The following PDE4D variants were observed in gnomAD, a reference collection of about 807,000 sequenced individuals.
PDE4D encodes the protein phosphodiesterase 4D.
Under a neutral mutation model 87.4 loss-of-function variants are expected in PDE4D, and 24 were observed. That is an observed-to-expected ratio of 0.27 (90% confidence interval 0.20 to 0.39). The LOEUF is 0.39. Ranked by LOEUF, PDE4D falls within the 10% of genes least tolerant of loss-of-function variation. The pLI is 1.00. For missense variants in PDE4D, 714 were observed against 1,041.0 expected (o/e 0.69, Z 4.32); for synonymous variants, 384 against 383.2 (o/e 1.00, Z -0.02).
At chr5:59,566,688 G>A (rs894632425) in intron 1 of PDE4D, among the ~76,000 whole-genome samples, 2 of 151,966 alleles carry the variant, frequency 1.3e-5, no homozygotes, top group African/African-American at 2.4e-5. Context: ...TGGCATCTAC[G>A]AATGAGTGAT....
intron 2 of PDE4D, among the ~76,000 whole-genome samples, chr5:60,058,805 G>A (rs1041224552): frequency 6.6e-6 from 1 of 151,826 alleles, no homozygotes; most frequent in Non-Finnish European, 1.5e-5. Context: ...TCACTCATAC[G>A]AGAGATACCG....
At chr5:59,928,368 A>C (rs1181730825) in intron 3 of PDE4D, among the ~76,000 whole-genome samples, 4 of 151,464 alleles carry the variant, frequency 2.6e-5, no homozygotes, top group African/African-American at 4.9e-5. Flanking sequence ...ACCTGAGGTC[A>C]GGAGTTTGAG....
chr5:59,119,069 A>G (rs1382591166), intron 5 of PDE4D, among the ~76,000 whole-genome samples: 1 of 152,198 alleles, frequency 6.6e-6, no homozygotes, highest in African/African-American at 2.4e-5. Flanking sequence ...AATTAAAAAA[A>G]GCTTCTGAGA....
At chr5:60,356,845 C>T (rs1177224402) in intron 1 of PDE4D, among the ~76,000 whole-genome samples, 1 of 152,134 alleles carries the variant, frequency 6.6e-6, no homozygotes, top group Non-Finnish European at 1.5e-5. Context: ...GCACCAGAAG[C>T]AAGGAAACTG....
chr5:60,004,769 C>T lies in PDE4D; in HGVS notation c.43-16052G>A, dbSNP rs571918598. Among the ~76,000 whole-genome samples the T allele has an allele frequency of 9.2e-5, 14 of 152,152 alleles. No homozygotes were observed. The East Asian group carries it at 9.6e-4, about 10-fold the overall frequency. ...GGAAATGTACATCAAAACCACAATG[C>T]GGTATCTTCTCACACCCATTAGGAT... On this transcript the variant is annotated intron_variant, in intron 2 of 16. Transcript: ENST00000502484.
chr5:59,464,720 C>T (rs1370472000), intron 1 of PDE4D, among the ~76,000 whole-genome samples: 1 of 152,152 alleles, frequency 6.6e-6, no homozygotes. Context: ...TAATGAGAAA[C>T]ACCCACAGGT....
At chr5:60,198,365 A>AAACTAATC (rs1741524181) in intron 1 of PDE4D, among the ~76,000 whole-genome samples, 3 of 151,578 alleles carry the variant, frequency 2.0e-5, no homozygotes, top group Non-Finnish European at 4.4e-5. Context: ...CGGAGAGATG[A>AAACTAATC]AGAGACAAAA....
At chr5:59,363,006 C>T (rs1200350805) in intron 1 of PDE4D, among the ~76,000 whole-genome samples, 2 of 152,208 alleles carry the variant, frequency 1.3e-5, no homozygotes, top group African/African-American at 4.8e-5. Context: ...CCCTTCCTTA[C>T]TTGGACACTT....
At position 59,257,764 on chromosome 5, in the gene PDE4D, G is replaced by A. The variant is rs150777094; in HGVS notation, c.456-41796C>T. On this transcript the variant is annotated intron_variant, in intron 1 of 14. Transcript: ENST00000340635. ...AGTTTAGCAAGTCAAACTCTTGGGA[G>A]GGTCTTAAACTTTGTGTAAAGAGAA... 7.0e-4 allele frequency among the ~76,000 whole-genome samples: 106 copies of A among 152,112 alleles called. 1 individual carries two copies. The highest frequency in any genetic ancestry group is 2.5e-3 in the African/African-American group (102 of 41,538).
At chr5:59,446,096 A>G (rs910980204) in intron 1 of PDE4D, among the ~76,000 whole-genome samples, 2 of 152,210 alleles carry the variant, frequency 1.3e-5, no homozygotes, top group Non-Finnish European at 2.9e-5. Context: ...TTAATTAAAA[A>G]TAGCTGCAAA....
At chr5:60,276,791 A>G (rs1751405174) in intron 1 of PDE4D, among the ~76,000 whole-genome samples, 1 of 151,874 alleles carries the variant, frequency 6.6e-6, no homozygotes, top group South Asian at 2.1e-4. Flanking sequence ...ACCATTTTAT[A>G]ATGTACCTCT....
chr5:60,269,839 T>C (rs558843746), intron 1 of PDE4D, among the ~76,000 whole-genome samples: 2 of 152,322 alleles, frequency 1.3e-5, no homozygotes, highest in South Asian at 2.1e-4. Flanking sequence ...TTATTTGTCA[T>C]TTACATCTTA....
At chr5:60,042,157 G>T (rs543035999) in intron 2 of PDE4D, among the ~76,000 whole-genome samples, 1 of 152,112 alleles carries the variant, frequency 6.6e-6, no homozygotes, top group Non-Finnish European at 1.5e-5. Flanking sequence ...TTCAGTAGGC[G>T]GTTTTCTCCT....
At chr5:59,818,742 T>C (rs1442883395) in intron 1 of PDE4D, among the ~76,000 whole-genome samples, 2 of 152,094 alleles carry the variant, frequency 1.3e-5, no homozygotes, top group East Asian at 1.9e-4. Flanking sequence ...CATGGAAACA[T>C]GTTCAGGCTC....
chr5:60,415,373 A>G (rs923730306), intron 1 of PDE4D, among the ~76,000 whole-genome samples: 1 of 152,212 alleles, frequency 6.6e-6, no homozygotes, highest in African/African-American at 2.4e-5. Flanking sequence ...GGAGCCCTTC[A>G]GCCCTCCCCT....
chr5:59,514,022 A>G (rs527606178), intron 1 of PDE4D, among the ~76,000 whole-genome samples: 46 of 152,316 alleles, frequency 3.0e-4, no homozygotes, highest in Admixed American at 5.9e-4. Flanking sequence ...AGTGAAAGGT[A>G]TACACTTTAA....
chr5:59,473,005 G>A (rs1157553329), intron 1 of PDE4D, among the ~76,000 whole-genome samples: 3 of 146,036 alleles, frequency 2.1e-5, no homozygotes, highest in Non-Finnish European at 4.5e-5. Flanking sequence ...ATAAGAGCAT[G>A]ACTTTTATTG....
At chr5:59,581,576 C>T (rs1258576616) in intron 1 of PDE4D, among the ~76,000 whole-genome samples, 1 of 152,088 alleles carries the variant, frequency 6.6e-6, no homozygotes. Context: ...AACCTCACAG[C>T]GATTTAAAGT....
chr5:59,138,959 T>C (rs778997554), intron 5 of PDE4D, among the ~76,000 whole-genome samples: 60 of 152,272 alleles, frequency 3.9e-4, no homozygotes, highest in Middle Eastern at 3.4e-3. Context: ...AATTCAGGAA[T>C]AGCTATCTCA....
Sources: allele counts gnomAD v4.1 joint callset (sites outside exome capture counted in the v4.1 genomes callset), GRCh38; gene constraint gnomAD v4.1.1; transcripts MANE v1.5; gene names NCBI Gene and HGNC (gene_info 2026-07-23, HGNC 2026-07-21).